The following ASS1 variants were observed in gnomAD, a reference collection of about 807,000 sequenced individuals.
ASS1 encodes the protein argininosuccinate synthase 1.
Under a neutral mutation model 60.5 loss-of-function variants are expected in ASS1, and 58 were observed. That is an observed-to-expected ratio of 0.96 (90% confidence interval 0.78 to 1.19). The LOEUF is 1.19. Ranked by LOEUF, ASS1 falls within the 50% of genes most tolerant of loss-of-function variation. The pLI, the probability that ASS1 is intolerant of heterozygous loss-of-function variation, is 0.00. For missense variants in ASS1, 454 were observed against 547.3 expected (o/e 0.83, Z 1.70); for synonymous variants, 200 against 206.9 (o/e 0.97, Z 0.29).
In ASS1 at chr9:130,489,398, A is replaced by G. The variant is rs1846391609; in HGVS notation, c.904A>G (p.Met302Val). 2.5e-6 allele frequency: 4 copies of G among 1,614,084 alleles called. No homozygotes were observed. Among genetic ancestry groups the G allele is most frequent in the Non-Finnish European group, 3.4e-6 (4 of 1,180,008 alleles). ...TCATTTAGACATCGAGGCCTTCACCATGGACCGGGAAGTGCGCAAAATCAA... is the reference window on the plus strand; with the variant it reads ...TCATTTAGACATCGAGGCCTTCACCGTGGACCGGGAAGTGCGCAAAATCAA... ...HAHLDIEAFT[M>V]DREVRKIKQG... Residue 302 changes from methionine to valine, a missense_variant, in exon 12 of 15, where the codon ATG becomes GTG. Coordinates refer to ENST00000352480, the MANE Select transcript of ASS1 (RefSeq NM_054012.4). The surrounding 1 kb of genome is among the most constrained non-coding windows in gnomAD (Gnocchi z 4.1).
chr9:130,448,213 A>T (rs1392448868), intron 1 of ASS1, among the ~76,000 whole-genome samples: 2 of 152,084 alleles, frequency 1.3e-5, no homozygotes, highest in African/African-American at 2.4e-5. Flanking sequence ...CTGGGAGGGC[A>T]GGAGCAACGC....
rs992312616 is a variant in ASS1 at position 130,491,199 on chromosome 9, G to C, written c.970+1735G>C. The stretch of plus-strand genomic sequence containing the variant: ...CTGCCCCCGTTCCCAGGGACAGACA[G>C]GTGCTTAAATACCATTGTCTCCTGC... On this transcript the variant is annotated intron_variant, in intron 12 of 14. Transcript: ENST00000352480. The surrounding 1 kb of genome is among the most constrained non-coding windows in gnomAD (Gnocchi z 5.3). Among the ~76,000 whole-genome samples the C allele has an allele frequency of 6.6e-6, 1 of 152,194 alleles. No individual in the cohort carries two copies. Among genetic ancestry groups the C allele is most frequent in the Non-Finnish European group, 1.5e-5 (1 of 68,036 alleles).
intron 11 of ASS1, among the ~76,000 whole-genome samples, chr9:130,483,318 T>G (rs546784287): frequency 5.8e-4 from 86 of 149,380 alleles, no homozygotes; most frequent in Admixed American, 1.7e-3. Context: ...AAGCTCGTAA[T>G]TGAAATTCGT....
At chr9:130,458,261 T>C (rs1192900090) in intron 3 of ASS1, 140 bp from the exon 4 acceptor site, 49 of 884,628 alleles carry the variant, frequency 5.5e-5, no homozygotes, top group Admixed American at 9.3e-5. Context: ...TGATGTCTAC[T>C]ACAGATGCAG....
intron 1 of ASS1, 166 bp from the exon 2 acceptor site, chr9:130,452,058 G>C: frequency 1.4e-6 from 1 of 707,474 alleles, no homozygotes; most frequent in Non-Finnish European, 2.6e-6. Context: ...GGGTTCCCGG[G>C]GGTGGCAGGC....
chr9:130,458,729 C>T, intron 4 of ASS1, 140 bp downstream of exon 4: 1 of 1,227,722 alleles, frequency 8.1e-7, no homozygotes, highest in Non-Finnish European at 1.1e-6. Flanking sequence ...TTGTTTAGAC[C>T]CCAATGAGAG....
rs1846460262 is a variant in ASS1, at chr9:130,491,894, A to T, written c.970+2430A>T. Among the ~76,000 whole-genome samples, 1 of 152,210 alleles carries T rather than the reference A, an allele frequency of 6.6e-6. No individual in the cohort carries two copies. Among genetic ancestry groups the T allele is most frequent in the Non-Finnish European group, 1.5e-5 (1 of 68,034 alleles). The stretch of plus-strand genomic sequence containing the variant: ...ACAAACATCAAGATCGGCCTCGGGC[A>T]GCAGGCTGACCCCCACAGCTCAGAG... On this transcript the variant is annotated intron_variant, in intron 12 of 14. Coordinates refer to ENST00000352480, the MANE Select transcript of ASS1 (RefSeq NM_054012.4). This position sits in a 1 kb window ranked among gnomAD's most constrained non-coding sequence, Gnocchi z 5.3.
intron 10 of ASS1, 29 bp from the exon 11 acceptor site, chr9:130,480,356 C>G (rs528244921): frequency 6.2e-7 from 1 of 1,614,018 alleles, no homozygotes; most frequent in East Asian, 2.2e-5. Flanking sequence ...CGGTAGCGCC[C>G]GAACCTAATG....
chr9:130,475,811 C>G (rs1460405557), intron 8 of ASS1, among the ~76,000 whole-genome samples: 1 of 144,786 alleles, frequency 6.9e-6, no homozygotes, highest in Admixed American at 7.2e-5. Flanking sequence ...GGCTGGAGTG[C>G]AGTGGTGCAA....
At chr9:130,454,599 ACC>A (rs1436091587) in intron 3 of ASS1, among the ~76,000 whole-genome samples, 1 of 151,586 alleles carries the variant, frequency 6.6e-6, no homozygotes, top group East Asian at 1.9e-4. Flanking sequence ...TCTCTTCCCC[ACC>A]CACATACCTT....
rs770929133 is a variant in ASS1 at position 130,489,487 on chromosome 9, C to T, written c.970+23C>T. The T allele has an allele frequency of 2.7e-5, 43 of 1,613,850 alleles. No homozygotes were observed. Among genetic ancestry groups the T allele is most frequent in the Middle Eastern group, 1.6e-4 (1 of 6,084 alleles). On this transcript the variant is annotated intron_variant, in intron 12 of 14. Coordinates refer to ENST00000352480, the MANE Select transcript of ASS1 (RefSeq NM_054012.4). This position sits in a 1 kb window ranked among gnomAD's most constrained non-coding sequence, Gnocchi z 4.1. ...CCGGTGCGTAAGACTCTATGGCTGCCCCCTCTAACCGCCTCACAAGGGATC... is the reference window on the plus strand; with the variant it reads ...CCGGTGCGTAAGACTCTATGGCTGCTCCCTCTAACCGCCTCACAAGGGATC...
intron 1 of ASS1, among the ~76,000 whole-genome samples, chr9:130,450,503 C>T (rs1845302372): frequency 6.6e-6 from 1 of 152,208 alleles, no homozygotes; most frequent in Non-Finnish European, 1.5e-5. Context: ...CCAGTAGGGA[C>T]GTTGTGGGCA....
intron 11 of ASS1, among the ~76,000 whole-genome samples, chr9:130,484,824 C>G (rs1402474303): frequency 2.0e-5 from 3 of 152,002 alleles, no homozygotes; most frequent in Non-Finnish European, 4.4e-5. Flanking sequence ...CACACACACA[C>G]ACACACGTGC....
Position 130,477,812 on chromosome 9 carries a change from G to A in ASS1, c.688+851G>A, listed in dbSNP as rs957830671. 3.3e-5 allele frequency among the ~76,000 whole-genome samples: 5 copies of A among 152,224 alleles called. No individual in the cohort carries two copies. Among genetic ancestry groups the A allele is most frequent in the East Asian group, 1.9e-4 (1 of 5,190 alleles). On this transcript the variant is annotated intron_variant, in intron 9 of 14. Coordinates refer to ENST00000352480, the MANE Select transcript of ASS1 (RefSeq NM_054012.4). This position sits in a 1 kb window ranked among gnomAD's most constrained non-coding sequence, Gnocchi z 4.2. Reference sequence around the variant, plus strand: ...GACCAGGCGGGGGGCTGGCCCATTCGTCCACAAAGTGGCTGCCCACACTGG... The same window carrying A: ...GACCAGGCGGGGGGCTGGCCCATTCATCCACAAAGTGGCTGCCCACACTGG...
At chr9:130,497,072 T>C (rs191609080) in intron 13 of ASS1, among the ~76,000 whole-genome samples, 15 of 152,316 alleles carry the variant, frequency 9.8e-5, no homozygotes, top group Admixed American at 6.5e-4. Context: ...TTTAGATCAG[T>C]TGGGGTAAAT....
In ASS1 at chr9:130,452,226, G is replaced by T. The variant is rs767830177; in HGVS notation, c.-3G>T. On this transcript the variant is annotated splice_region_variant and 5_prime_UTR_variant, in exon 2 of 15. Coordinates refer to ENST00000352480, the MANE Select transcript of ASS1 (RefSeq NM_054012.4). Reference sequence around the variant, plus strand: ...GGTTGTTCCTCGACTCCCGCCAGACGCTATGTCCAGCAAAGGCTCCGTGGT... The same window carrying T: ...GGTTGTTCCTCGACTCCCGCCAGACTCTATGTCCAGCAAAGGCTCCGTGGT... The T allele has an allele frequency of 1.2e-6, 2 of 1,613,982 alleles. No homozygotes were observed. The highest frequency in any genetic ancestry group is 1.1e-5 in the South Asian group (1 of 91,038).
rs927051094 is a variant in ASS1 at position 130,494,134 on chromosome 9, G to A, written c.971-733G>A. Among the ~76,000 whole-genome samples, 7 of 152,190 alleles carry A rather than the reference G, an allele frequency of 4.6e-5. No individual in the cohort carries two copies. Among genetic ancestry groups the A allele is most frequent in the Admixed American group, 4.6e-4 (7 of 15,280 alleles). The stretch of plus-strand genomic sequence containing the variant: ...CAGAGTGCTGTCTATGAGGATTCAG[G>A]GAGCTAGCCCAGATCAAAGCCTGAG... On this transcript the variant is annotated intron_variant, in intron 12 of 14. Transcript: ENST00000352480. This position sits in a 1 kb window ranked among gnomAD's most constrained non-coding sequence, Gnocchi z 4.3.
chr9:130,478,955 T>A lies in ASS1; in HGVS notation c.689-761T>A, dbSNP rs186606891. ...GCTCCATGGTAATGAGCCGGGCAGA[T>A]GGGTGGGGGATTAGCCGCCAACTTT... is the stretch of plus-strand genomic sequence containing the variant. On this transcript the variant is annotated intron_variant, in intron 9 of 14. Transcript: ENST00000352480. This position sits in a 1 kb window ranked among gnomAD's most constrained non-coding sequence, Gnocchi z 4.7. 6.6e-6 allele frequency among the ~76,000 whole-genome samples: 1 copy of A among 152,314 alleles called. No individual in the cohort carries two copies. The highest frequency in any genetic ancestry group is 1.9e-4 in the East Asian group (1 of 5,172).
chr9:130,472,472 A>G (rs1845891618), intron 8 of ASS1, among the ~76,000 whole-genome samples: 1 of 152,100 alleles, frequency 6.6e-6, no homozygotes, highest in Non-Finnish European at 1.5e-5. Context: ...CTCAGTTCCT[A>G]GGACACTGGC....
Sources: allele counts gnomAD v4.1 joint callset (sites outside exome capture counted in the v4.1 genomes callset), GRCh38; gene constraint gnomAD v4.1.1; non-coding constraint Gnocchi (gnomAD v3.1); transcripts MANE v1.5; gene names NCBI Gene and HGNC (gene_info 2026-07-23, HGNC 2026-07-21).